The following LAMA3 variants were observed in gnomAD, a reference collection of about 807,000 sequenced individuals.
LAMA3 encodes laminin subunit alpha-3.
In LAMA3, 281 loss-of-function variants were observed where a neutral mutation model predicts 402.0. That is an observed-to-expected ratio of 0.70 (90% CI 0.63 to 0.77). The LOEUF is 0.77. Ranked by LOEUF, LAMA3 falls within the 30% of genes least tolerant of loss-of-function variation. The probability of loss-of-function intolerance (pLI) is 0.00; values close to 1 mark genes in which losing one functional copy is unlikely to be tolerated. For synonymous variants in LAMA3, 1,431 were observed against 1,558.4 expected, an observed-to-expected ratio of 0.92 and a Z score of 1.93; for missense variants, 3,840 against 4,215.5, an observed-to-expected ratio of 0.91 and a Z score of 2.47.
chr18:23,895,546 T>C (rs1023860663), intron 44 of LAMA3, among the ~76,000 whole-genome samples: 4 of 152,224 alleles, frequency 2.6e-5, no homozygotes, highest in Non-Finnish European at 5.9e-5. Flanking sequence ...ACCTTTCAAA[T>C]AATATGTCAA....
Position 23,946,224 on chromosome 18 carries a change from C to T in LAMA3, c.9291C>T (p.Asn3097=). The part of the protein sequence containing the change: ...LRAREGSLPG[N]STISIRAPVY... ...CCCGGGAGGGAAGTTTGCCTGGAAA[C>T]TCCACCATCAGCATCAGAGCGCCAG... Residue 3097 remains asparagine, a synonymous_variant, in exon 70 of 75, where the codon AAC becomes AAT. Coordinates refer to ENST00000313654, the MANE Select transcript of LAMA3 (RefSeq NM_198129.4). The T allele has an allele frequency of 1.9e-6, 3 of 1,614,076 alleles. No individual in the cohort carries two copies. The highest frequency in any genetic ancestry group is 2.5e-6 in the Non-Finnish European group (3 of 1,179,984).
intron 70 of LAMA3, among the ~76,000 whole-genome samples, chr18:23,947,088 C>A (rs942061284): frequency 6.6e-6 from 1 of 152,186 alleles, no homozygotes. Context: ...AGTTGGGACT[C>A]CCTCTGTCCC....
chr18:23,779,134 CAG>C (rs2062384793), intron 11 of LAMA3, among the ~76,000 whole-genome samples: 1 of 152,144 alleles, frequency 6.6e-6, no homozygotes, highest in Admixed American at 6.5e-5. Context: ...GGGAAGGCAT[CAG>C]GGGCTGGATG....
intron 11 of LAMA3, 74 bp from the exon 12 acceptor site, chr18:23,783,949 A>G: frequency 6.4e-7 from 1 of 1,553,840 alleles, no homozygotes; most frequent in East Asian, 2.2e-5. Context: ...CATGATAGAA[A>G]CCTAGGGGAA....
chr18:23,727,347 A>T (rs1237168942), intron 2 of LAMA3, among the ~76,000 whole-genome samples: 1 of 152,066 alleles, frequency 6.6e-6, no homozygotes, highest in South Asian at 2.1e-4. Flanking sequence ...GATTTTTGAG[A>T]TGGAGTCTCA....
In LAMA3 at chr18:23,861,622, C is replaced by G. The variant is rs2064224181; in HGVS notation, c.4423-24C>G. Reference sequence around the variant, plus strand: ...ATGCCACGACCAAGACGTTTCCATCCCTTGCTTCTCTCCCTCTTTCCAGTT... The same window carrying G: ...ATGCCACGACCAAGACGTTTCCATCGCTTGCTTCTCTCCCTCTTTCCAGTT... On this transcript the variant is annotated intron_variant, in intron 34 of 74. Coordinates refer to ENST00000313654, the MANE Select transcript of LAMA3 (RefSeq NM_198129.4). 2.5e-6 allele frequency: 4 copies of G among 1,614,062 alleles called. No homozygotes were observed. In the South Asian group the frequency reaches 4.4e-5, roughly 18 times the overall value.
At chr18:23,721,083 A>G (rs2061204207) in intron 2 of LAMA3, among the ~76,000 whole-genome samples, 1 of 152,070 alleles carries the variant, frequency 6.6e-6, no homozygotes, top group South Asian at 2.1e-4. Context: ...GCTTGAGCCC[A>G]GGAGTTGGAG....
intron 19 of LAMA3, among the ~76,000 whole-genome samples, chr18:23,821,020 C>T (rs151196151): frequency 3.2e-3 from 482 of 152,294 alleles, no homozygotes; most frequent in South Asian, 8.7e-3. Flanking sequence ...AGTTCCCTGA[C>T]ATTACTTCAC....
At chr18:23,921,151 A>G in intron 61 of LAMA3, 97 bp downstream of exon 61, 2 of 1,348,494 alleles carry the variant, frequency 1.5e-6, no homozygotes, top group Middle Eastern at 1.8e-4. Context: ...ACTTCCTATT[A>G]CCAGATAAAC....
chr18:23,916,428 A>G (rs2145264453), intron 59 of LAMA3, 123 bp from the exon 60 acceptor site: 3 of 1,122,262 alleles, frequency 2.7e-6, no homozygotes, highest in East Asian at 2.4e-5. Context: ...TAACAAAATT[A>G]TGACAACTAG....
chr18:23,933,431 A>T (rs1340287492), intron 66 of LAMA3, among the ~76,000 whole-genome samples: 1 of 152,218 alleles, frequency 6.6e-6, no homozygotes, highest in Non-Finnish European at 1.5e-5. Flanking sequence ...ATACACATTT[A>T]TGGGTTACAT....
intron 12 of LAMA3, among the ~76,000 whole-genome samples, chr18:23,799,025 C>T (rs4044148): frequency 0.81 from 124,026 of 152,228 alleles, 51,327 homozygotes; most frequent in East Asian, 1. Context: ...GGGCTGGACC[C>T]GAAGAAGGAT....
intron 27 of LAMA3, among the ~76,000 whole-genome samples, chr18:23,841,261 G>A (rs1370183861): frequency 6.6e-6 from 1 of 152,202 alleles, no homozygotes; most frequent in Non-Finnish European, 1.5e-5. Flanking sequence ...GAAAAATGAG[G>A]ATGAGCTTTA....
chr18:23,950,015 T>C lies in LAMA3; in HGVS notation c.9512-14T>C, dbSNP rs770862534. 1.9e-6 allele frequency: 3 copies of C among 1,614,190 alleles called. No homozygotes were observed. In the East Asian group the frequency reaches 6.7e-5, roughly 36 times the overall value. On this transcript the variant is annotated splice_polypyrimidine_tract_variant and intron_variant, in intron 71 of 74. Transcript: ENST00000313654. ...GGTGATGCTTTAACTTTTGCTTTGT[T>C]TCTCTTTTGAAAGCTCACTCTGTAT...
chr18:23,702,168 G>A (rs977516911), intron 1 of LAMA3, among the ~76,000 whole-genome samples: 3 of 152,044 alleles, frequency 2.0e-5, no homozygotes, highest in Non-Finnish European at 2.9e-5. Context: ...GGGGAAGGGG[G>A]TGGGAGTTTG....
At chr18:23,803,808 A>G (rs948435) in intron 12 of LAMA3, among the ~76,000 whole-genome samples, 120,906 of 152,178 alleles carry the variant, frequency 0.79, 48,830 homozygotes, top group African/African-American at 0.95. Context: ...ATATCTTGCA[A>G]TACCTGGTCT....
chr18:23,725,884 A>G (rs1224482037), intron 2 of LAMA3, among the ~76,000 whole-genome samples: 3 of 152,234 alleles, frequency 2.0e-5, no homozygotes, highest in Non-Finnish European at 2.9e-5. Context: ...CAAACATTCT[A>G]TGGCTTAGGA....
Position 23,838,779 on chromosome 18 carries a change from A to G in LAMA3, c.3094-2A>G. Reference sequence around the variant, plus strand: ...CCTTTGTGCATTGTATTTGCTCACTAGCATCAAGTTTGTATCATACCTATT... The same window carrying G: ...CCTTTGTGCATTGTATTTGCTCACTGGCATCAAGTTTGTATCATACCTATT... On this transcript the variant is annotated splice_acceptor_variant, in intron 25 of 74. Transcript: ENST00000313654. LOFTEE classifies it high-confidence loss of function. 6.3e-7 allele frequency: 1 copy of G among 1,579,852 alleles called. No homozygotes were observed. The highest frequency in any genetic ancestry group is 8.7e-7 in the Non-Finnish European group (1 of 1,148,724).
rs1599066804 is a variant in LAMA3, at chr18:23,909,207, A to G, written c.7070A>G (p.Asn2357Ser). 1 of 1,613,938 alleles carries G rather than the reference A, an allele frequency of 6.2e-7. No homozygotes were observed. Among genetic ancestry groups the G allele is most frequent in the East Asian group, 2.2e-5 (1 of 44,884 alleles). Residue 2357 changes from asparagine to serine, a missense_variant, in exon 55 of 75, where the codon AAC becomes AGC. Asn to Ser is a conservative substitution (Grantham distance 46). This residue lies in a region of LAMA3 where 891 missense variants were observed against 857.5 expected (regional missense o/e 1.04). Transcript: ENST00000313654. ...CTTTGGCGCAAGATTGAAAGTATCAACCAACAGCTGTTGCCCTTGGGAAAC... is the reference window on the plus strand; with the variant it reads ...CTTTGGCGCAAGATTGAAAGTATCAGCCAACAGCTGTTGCCCTTGGGAAAC... ...PDLWRKIESI[N>S]QQLLPLGNIS...
Sources: gnomAD v4.1 joint callset for allele counts (sites outside exome capture counted in the v4.1 genomes callset) on GRCh38, gnomAD v4.1.1 for gene constraint, gnomAD v4.1.1 regional missense constraint, MANE v1.5 for transcripts, NCBI Gene and HGNC (gene_info 2026-07-23, HGNC 2026-07-21) for gene names.